RBX1: variants seen among roughly 807,000 people sequenced by gnomAD.
The protein encoded by RBX1 is E3 ubiquitin-protein ligase RBX1.
For synonymous variants in RBX1, 48 were observed against 47.9 expected, an observed-to-expected ratio of 1.00 and a Z score of -0.01; for missense variants, 46 against 141.4, an observed-to-expected ratio of 0.33 and a Z score of 3.42.
In RBX1 at chr22:40,955,276, G is replaced by C. The variant is rs916519871; in HGVS notation, c.157+1643G>C. 2.3e-4 allele frequency among the ~76,000 whole-genome samples: 18 copies of C among 79,362 alleles called. No homozygotes were observed. In the Admixed American group the frequency reaches 2.6e-3, roughly 12 times the overall value. 52.1% of individuals were successfully genotyped at this position (79,362 alleles called of 152,430 possible). A position where few individuals can be genotyped will look rare whatever the true frequency, so the allele number is the denominator to read the frequency against. On this transcript the variant is annotated intron_variant, in intron 2 of 4. Coordinates refer to ENST00000216225, the MANE Select transcript of RBX1 (RefSeq NM_014248.4). The stretch of plus-strand genomic sequence containing the variant: ...TTCTTTTTCCTTTTTTTTTTTTTTT[G>C]TTTTTTTCAGAGACGGGATCTCGCT...
At chr22:40,967,625 T>TA (rs2058357639) in intron 3 of RBX1, 174 bp from the exon 4 acceptor site, 2 of 538,166 alleles carry the variant, frequency 3.7e-6, no homozygotes, top group East Asian at 3.0e-5. Context: ...TTGTTGGAAA[T>TA]ACCCTTGCAT....
Position 40,964,068 on chromosome 22 carries a change from A to T in RBX1, c.179A>T (p.Gln60Leu). The change falls in exon 3 of 5, where the codon CAG (glutamine) becomes CTG (leucine). Residue 60 changes from glutamine (Q) to leucine (L), a missense_variant. Physicochemically the swap from Gln to Leu is moderately radical, Grantham distance 113. Coordinates refer to ENST00000216225, the MANE Select transcript of RBX1 (RefSeq NM_014248.4). ...ACAGGCATAGAATGTCAAGCTAACC[A>T]GGCGTCCGCTACTTCAGAAGAGTGT... ...MDLCIECQAN[Q>L]ASATSEECTV... 6.2e-7 allele frequency: 1 copy of T among 1,614,110 alleles called. No homozygotes were observed. Among genetic ancestry groups the T allele is most frequent in the Non-Finnish European group, 8.5e-7 (1 of 1,179,946 alleles).
intron 4 of RBX1, among the ~76,000 whole-genome samples, chr22:40,971,968 C>G (rs1369538836): frequency 1.3e-5 from 2 of 152,156 alleles, no homozygotes; most frequent in African/African-American, 4.8e-5. Context: ...TGACTGTAAT[C>G]AGAGTTGTAA....
chr22:40,968,225 G>A (rs1455820883), intron 4 of RBX1, among the ~76,000 whole-genome samples: 2 of 151,614 alleles, frequency 1.3e-5, no homozygotes, highest in Non-Finnish European at 2.9e-5. Flanking sequence ...CAAGTGGCTG[G>A]GATTACAAGT....
At chr22:40,972,058 A>C (rs936180649) in intron 4 of RBX1, among the ~76,000 whole-genome samples, 2 of 152,194 alleles carry the variant, frequency 1.3e-5, no homozygotes, top group Admixed American at 6.6e-5. Context: ...AACATGCCTG[A>C]GTACTGGAGT....
intron 1 of RBX1, among the ~76,000 whole-genome samples, chr22:40,952,641 C>G (rs2058314454): frequency 6.6e-6 from 1 of 152,110 alleles, no homozygotes; most frequent in Non-Finnish European, 1.5e-5. Context: ...TAAACTCTTA[C>G]TGGAATTATT....
At chr22:40,952,496 T>A (rs1055858832) in intron 1 of RBX1, among the ~76,000 whole-genome samples, 1 of 152,146 alleles carries the variant, frequency 6.6e-6, no homozygotes, top group African/African-American at 2.4e-5. Flanking sequence ...AAGTAGGGGC[T>A]TTTCCTCCAC....
rs1403836020 is a variant in RBX1 at position 40,963,902 on chromosome 22, A to T, written c.158-145A>T. 18 of 644,492 alleles carry T rather than the reference A, an allele frequency of 2.8e-5. 1 individual carries two copies. The highest frequency in any genetic ancestry group is 7.8e-5 in the Admixed American group (3 of 38,358). The allele number at this position is 644,492 out of a possible 1,614,324, so 39.9% of individuals were successfully genotyped here. ...GGAAATCGTCAGAAAGCATACTGTT[A>T]TCTCTGTCTTCTCTGTTCTTCCTTT... On this transcript the variant is annotated intron_variant, in intron 2 of 4. Transcript: ENST00000216225.
chr22:40,964,990 A>G (rs980174413), intron 3 of RBX1, among the ~76,000 whole-genome samples: 3 of 152,206 alleles, frequency 2.0e-5, no homozygotes, highest in Non-Finnish European at 4.4e-5. Context: ...GGCACATAGT[A>G]AGCACAAGTG....
intron 4 of RBX1, among the ~76,000 whole-genome samples, chr22:40,969,802 T>A (rs1819886849): frequency 6.6e-6 from 1 of 151,402 alleles, no homozygotes; most frequent in Admixed American, 6.6e-5. Context: ...GGCAGGAGAA[T>A]CACTTGAGCC....
At chr22:40,959,662 A>G (rs2146299300) in intron 2 of RBX1, among the ~76,000 whole-genome samples, 1 of 152,176 alleles carries the variant, frequency 6.6e-6, no homozygotes, top group Admixed American at 6.5e-5. Flanking sequence ...AATACAAAAA[A>G]TAGCCAGGCA....
intron 2 of RBX1, among the ~76,000 whole-genome samples, chr22:40,956,195 A>G (rs191229715): frequency 7.5e-4 from 114 of 152,242 alleles, no homozygotes; most frequent in Admixed American, 1.8e-3. Context: ...TTGAGACATC[A>G]TATTAGGCTT....
At chr22:40,952,375 C>G (rs757695032) in intron 1 of RBX1, among the ~76,000 whole-genome samples, 2 of 152,156 alleles carry the variant, frequency 1.3e-5, no homozygotes, top group Admixed American at 6.5e-5. Context: ...GAAGATATTC[C>G]TAGAACATCT....
At chr22:40,957,767 C>G (rs2058329572) in intron 2 of RBX1, among the ~76,000 whole-genome samples, 1 of 152,094 alleles carries the variant, frequency 6.6e-6, no homozygotes, top group Non-Finnish European at 1.5e-5. Flanking sequence ...TGGGATCAAG[C>G]AGTCCTCCTA....
chr22:40,955,960 C>T (rs778821142), intron 2 of RBX1, among the ~76,000 whole-genome samples: 22 of 152,152 alleles, frequency 1.4e-4, no homozygotes, highest in South Asian at 2.1e-4. Flanking sequence ...GCCAGTTTCT[C>T]GGCCTTGCAT....
intron 1 of RBX1, among the ~76,000 whole-genome samples, chr22:40,953,202 G>A (rs2058316191): frequency 6.6e-6 from 1 of 152,018 alleles, no homozygotes; most frequent in Admixed American, 6.6e-5. Flanking sequence ...TGTTGGCCAG[G>A]CTGGTCTTGA....
intron 2 of RBX1, among the ~76,000 whole-genome samples, chr22:40,955,110 A>G (rs1601534173): frequency 6.6e-6 from 1 of 152,224 alleles, no homozygotes; most frequent in East Asian, 1.9e-4. Context: ...TTAAGTGTCC[A>G]TGCTCTATTT....
At chr22:40,966,683 T>A (rs1039557787) in intron 3 of RBX1, 1 of 152,198 alleles carries the variant, frequency 6.6e-6, no homozygotes, top group Non-Finnish European at 1.5e-5. Context: ...TTTCACAAGA[T>A]AATAATCCAT....
At chr22:40,957,848 C>T (rs1014774705) in intron 2 of RBX1, among the ~76,000 whole-genome samples, 10 of 151,108 alleles carry the variant, frequency 6.6e-5, no homozygotes, top group South Asian at 6.3e-4. Context: ...TTTTTGGAGG[C>T]GGAGTCTCAC....
Sources: allele counts gnomAD v4.1 joint callset (sites outside exome capture counted in the v4.1 genomes callset), GRCh38; gene constraint gnomAD v4.1.1; transcripts MANE v1.5; gene names NCBI Gene and HGNC (gene_info 2026-07-23, HGNC 2026-07-21).